TBC1D5: variants seen among roughly 807,000 people sequenced by gnomAD.
TBC1D5 encodes TBC1 domain family member 5.
A neutral mutation model predicts 100.3 loss-of-function variants in TBC1D5; 75 were observed. The observed-to-expected ratio is 0.75, with a 90% CI of 0.62 to 0.91. The LOEUF (loss-of-function observed/expected upper bound fraction) is 0.91, where lower values mean the gene tolerates loss of function less well. Ranked by LOEUF, TBC1D5 falls within the 40% of genes least tolerant of loss-of-function variation. TBC1D5 has a pLI of 0.00. For synonymous variants in TBC1D5, 323 were observed against 325.6 expected (o/e 0.99, Z 0.09); for missense variants, 910 against 942.4 (o/e 0.97, Z 0.45).
intron 3 of TBC1D5, among the ~76,000 whole-genome samples, chr3:17,443,547 A>G (rs146200829): frequency 6.6e-6 from 1 of 152,318 alleles, no homozygotes; most frequent in East Asian, 1.9e-4. Context: ...AGTACTTCCC[A>G]AGGCAACTTG....
intron 2 of TBC1D5, among the ~76,000 whole-genome samples, chr3:17,552,181 A>C (rs1020662401): frequency 2.6e-5 from 4 of 151,906 alleles, no homozygotes; most frequent in Non-Finnish European, 4.4e-5. Flanking sequence ...AGGACCTATG[A>C]TCTTAAGAGA....
intron 4 of TBC1D5, among the ~76,000 whole-genome samples, chr3:17,423,679 A>G (rs2094271443): frequency 6.7e-6 from 1 of 149,348 alleles, no homozygotes; most frequent in Non-Finnish European, 1.5e-5. Flanking sequence ...AAATATAAAT[A>G]ATGTCATGTG....
At chr3:17,605,752 C>G (rs188253128) in intron 2 of TBC1D5, among the ~76,000 whole-genome samples, 1 of 151,782 alleles carries the variant, frequency 6.6e-6, no homozygotes, top group Non-Finnish European at 1.5e-5. Flanking sequence ...CAATTGTGAC[C>G]GACAAATATT....
chr3:17,658,499 T>C (rs995840732), intron 1 of TBC1D5, among the ~76,000 whole-genome samples: 3 of 151,940 alleles, frequency 2.0e-5, no homozygotes, highest in African/African-American at 4.8e-5. Context: ...ATTAAAAGCA[T>C]AGTAAAAATA....
At chr3:17,291,113 T>C (rs1216942493) in intron 15 of TBC1D5, among the ~76,000 whole-genome samples, 1 of 152,094 alleles carries the variant, frequency 6.6e-6, no homozygotes, top group Non-Finnish European at 1.5e-5. Context: ...GTTGGGAGGG[T>C]TGCCAAAGAG....
chr3:17,502,087 C>T (rs2095793816), intron 3 of TBC1D5, among the ~76,000 whole-genome samples: 1 of 149,454 alleles, frequency 6.7e-6, no homozygotes, highest in African/African-American at 2.5e-5. Context: ...AATAAGGTCC[C>T]TCTTCCTGTC....
intron 2 of TBC1D5, among the ~76,000 whole-genome samples, chr3:17,512,368 A>G (rs917633205): frequency 2.0e-5 from 3 of 151,098 alleles, no homozygotes; most frequent in Admixed American, 2.0e-4. Flanking sequence ...CATAACACTT[A>G]CAATGGTTCA....
intron 3 of TBC1D5, among the ~76,000 whole-genome samples, chr3:17,502,100 T>C (rs1276109016): frequency 6.7e-6 from 1 of 149,460 alleles, no homozygotes; most frequent in Non-Finnish European, 1.5e-5. Context: ...TTCCTGTCTT[T>C]GCTCTACACT....
chr3:17,398,145 T>C (rs1468322665), intron 8 of TBC1D5, among the ~76,000 whole-genome samples: 1 of 152,148 alleles, frequency 6.6e-6, no homozygotes. Context: ...CATGGCAACA[T>C]TTGTTCAGAA....
At chr3:17,450,535 C>G (rs892276872) in intron 3 of TBC1D5, among the ~76,000 whole-genome samples, 1 of 152,086 alleles carries the variant, frequency 6.6e-6, no homozygotes, top group African/African-American at 2.4e-5. Context: ...TAGAGAAGAA[C>G]ATAAATGACC....
At chr3:17,688,219 A>G (rs1297629049) in intron 1 of TBC1D5, among the ~76,000 whole-genome samples, 1 of 152,118 alleles carries the variant, frequency 6.6e-6, no homozygotes, top group Non-Finnish European at 1.5e-5. Flanking sequence ...ATATATACAA[A>G]TACATATACT....
intron 8 of TBC1D5, among the ~76,000 whole-genome samples, chr3:17,401,337 A>ATATGTATG (rs200229874): frequency 0.22 from 4,755 of 21,614 alleles, 79 homozygotes; most frequent in African/African-American, 0.29. Context: ...ATATACATAT[A>ATATGTATG]TGTATAATAT....
intron 13 of TBC1D5, among the ~76,000 whole-genome samples, chr3:17,370,830 T>C (rs924326413): frequency 1.8e-4 from 27 of 152,170 alleles, no homozygotes; most frequent in Admixed American, 3.9e-4. Flanking sequence ...TTCACATTTA[T>C]TGAGCATCTA....
intron 19 of TBC1D5, among the ~76,000 whole-genome samples, chr3:17,178,189 C>T (rs1277026551): frequency 6.6e-6 from 1 of 151,828 alleles, no homozygotes; most frequent in Non-Finnish European, 1.5e-5. Flanking sequence ...CCTCAGCCTC[C>T]TGAGTAGCTG....
At chr3:17,463,688 C>A (rs2095253187) in intron 3 of TBC1D5, among the ~76,000 whole-genome samples, 1 of 152,114 alleles carries the variant, frequency 6.6e-6, no homozygotes, top group Admixed American at 6.5e-5. Flanking sequence ...TATCAGGCCA[C>A]ATTGGAGCCC....
intron 3 of TBC1D5, among the ~76,000 whole-genome samples, chr3:17,504,261 C>T (rs894467844): frequency 4.3e-4 from 2 of 4,636 alleles, no homozygotes; most frequent in Non-Finnish European, 1.5e-3. Context: ...GGGAACATCA[C>T]ACTCTGGGGA....
At chr3:17,742,017 A>C (rs916733703), upstream of TBC1D5, among the ~76,000 whole-genome samples, 2 of 152,022 alleles carry the variant, frequency 1.3e-5, no homozygotes, top group Admixed American at 1.3e-4. Context: ...CCGGGGCCCA[A>C]ATGAACATGG....
intron 2 of TBC1D5, among the ~76,000 whole-genome samples, chr3:17,590,811 G>A (rs1003080098): frequency 6.6e-6 from 1 of 152,148 alleles, no homozygotes; most frequent in Non-Finnish European, 1.5e-5. Flanking sequence ...GATTCACGTA[G>A]AGCTTTGGCA....
chr3:17,257,542 C>T (rs1280316408), intron 16 of TBC1D5, among the ~76,000 whole-genome samples: 1 of 152,138 alleles, frequency 6.6e-6, no homozygotes, highest in Non-Finnish European at 1.5e-5. Flanking sequence ...CATGGTACAT[C>T]AATATATGGA....
Sources: gnomAD v4.1 joint callset for allele counts (sites outside exome capture counted in the v4.1 genomes callset) on GRCh38, gnomAD v4.1.1 for gene constraint, MANE v1.5 for transcripts, NCBI Gene and HGNC (gene_info 2026-07-23, HGNC 2026-07-21) for gene names.